FHIT: variants seen among roughly 807,000 people sequenced by gnomAD.
FHIT encodes fragile histidine triad diadenosine triphosphatase, also known as bis(5'-adenosyl)-triphosphatase.
In FHIT, 19 loss-of-function variants were observed where a neutral mutation model predicts 17.9. The ratio of observed to expected loss-of-function variants is 1.06; its 90% CI spans 0.74 to 1.56. FHIT has a LOEUF of 1.56. Among genes scored for constraint, FHIT ranks in the 40% most tolerant of loss-of-function variants. The probability of loss-of-function intolerance (pLI) is 0.00; values close to 1 mark genes in which losing one functional copy is unlikely to be tolerated. For missense variants in FHIT, 248 were observed against 189.2 expected, an observed-to-expected ratio of 1.31 and a Z score of -1.82; for synonymous variants, 81 against 69.7, an observed-to-expected ratio of 1.16 and a Z score of -0.81.
chr3:60,550,867 C>A (rs2036523071), intron 4 of FHIT, among the ~76,000 whole-genome samples: 1 of 152,086 alleles, frequency 6.6e-6, no homozygotes, highest in African/African-American at 2.4e-5. Flanking sequence ...ATATTGCAAG[C>A]AGTAGAGACT....
Position 60,584,136 on chromosome 3 carries a change from A to G in FHIT, c.-17-47157T>C, listed in dbSNP as rs1238780297. ...AGAAAGCTCTTAGCAGGGGTGTGCT[A>G]GAGCCATCTCCTATCAGCTCATAGA... On this transcript the variant is annotated intron_variant, in intron 4 of 9. Transcript: ENST00000492590. 3.3e-5 allele frequency among the ~76,000 whole-genome samples: 5 copies of G among 152,178 alleles called. No homozygotes were observed. The East Asian group carries it at 9.7e-4, about 30-fold the overall frequency.
At chr3:60,403,141 C>A (rs867668266) in intron 5 of FHIT, among the ~76,000 whole-genome samples, 1 of 152,030 alleles carries the variant, frequency 6.6e-6, no homozygotes, top group Non-Finnish European at 1.5e-5. Flanking sequence ...AGTAAAAGCC[C>A]GGGATAGACA....
intron 3 of FHIT, among the ~76,000 whole-genome samples, chr3:60,977,390 A>C (rs1431741455): frequency 6.6e-6 from 1 of 152,184 alleles, no homozygotes. Context: ...GAAATGTATC[A>C]TACTTCTGCT....
intron 3 of FHIT, among the ~76,000 whole-genome samples, chr3:60,929,616 C>T (rs1341744637): frequency 6.6e-5 from 10 of 152,106 alleles, no homozygotes; most frequent in Non-Finnish European, 1.5e-4. Flanking sequence ...TTCACAATTG[C>T]TTCAAAGAGA....
intron 5 of FHIT, among the ~76,000 whole-genome samples, chr3:60,231,138 T>C (rs947781955): frequency 6.6e-6 from 1 of 152,236 alleles, no homozygotes; most frequent in African/African-American, 2.4e-5. Flanking sequence ...TGAGCCATGC[T>C]CATATTTGTG....
intron 4 of FHIT, among the ~76,000 whole-genome samples, chr3:60,806,777 A>G (rs1351633446): frequency 6.6e-6 from 1 of 152,232 alleles, no homozygotes; most frequent in Admixed American, 6.5e-5. Context: ...GCAGAGTCAC[A>G]GTAAAAGTTT....
chr3:59,840,086 AGAGCT>A (rs1701475557), intron 8 of FHIT, among the ~76,000 whole-genome samples: 1 of 152,178 alleles, frequency 6.6e-6, no homozygotes, highest in Non-Finnish European at 1.5e-5. Context: ...AGAAGAGGGT[AGAGCT>A]GTCACTCTGT....
chr3:60,000,276 C>T (rs1388769541), intron 7 of FHIT, among the ~76,000 whole-genome samples: 6 of 152,238 alleles, frequency 3.9e-5, no homozygotes, highest in Admixed American at 1.3e-4. Flanking sequence ...AGACAACTGA[C>T]TTAGACTGGG....
intron 5 of FHIT, among the ~76,000 whole-genome samples, chr3:60,408,944 C>CA (rs1701970117): frequency 1.3e-5 from 2 of 151,970 alleles, no homozygotes; most frequent in South Asian, 4.2e-4. Flanking sequence ...CAGATGACAG[C>CA]AAAAAATTCT....
rs115900127 is a variant in FHIT at position 59,834,672 on chromosome 3, A to G, written c.349-82351T>C. Among the ~76,000 whole-genome samples, 859 of 152,264 alleles carry G rather than the reference A, an allele frequency of 5.6e-3. 8 individuals are homozygous for G. Among genetic ancestry groups the G allele is most frequent in the African/African-American group, 0.02 (837 of 41,562 alleles). ...ATCTTCTTATAAGGGCACTAATCCC[A>G]TTCCTGAGGGGCCCTATCCTCATGG... is the stretch of plus-strand genomic sequence containing the variant. On this transcript the variant is annotated intron_variant, in intron 8 of 9. Coordinates refer to ENST00000492590, the MANE Select transcript of FHIT (RefSeq NM_002012.4).
rs114302193 is a variant in FHIT, at chr3:59,916,196, G to A, written c.348+6150C>T. Among the ~76,000 whole-genome samples, 396 of 152,290 alleles carry A rather than the reference G, an allele frequency of 2.6e-3. 4 individuals are homozygous for A. The highest frequency in any genetic ancestry group is 9.1e-3 in the African/African-American group (380 of 41,570). On this transcript the variant is annotated intron_variant, in intron 8 of 9. Transcript: ENST00000492590. The stretch of plus-strand genomic sequence containing the variant: ...GGCAGAAAGTGGAAAGAGCTGACTT[G>A]CTGAGTTTTCCGGCCTTCATCTTTC...
At chr3:59,890,842 G>A (rs1313559703) in intron 8 of FHIT, among the ~76,000 whole-genome samples, 3 of 152,158 alleles carry the variant, frequency 2.0e-5, no homozygotes, top group Non-Finnish European at 4.4e-5. Flanking sequence ...TTGCTTAGCT[G>A]AGCATTTTTC....
intron 4 of FHIT, among the ~76,000 whole-genome samples, chr3:60,537,726 A>C (rs1382359972): frequency 6.6e-6 from 1 of 152,162 alleles, no homozygotes; most frequent in Non-Finnish European, 1.5e-5. Context: ...GACAAGCCAA[A>C]TCCATCTAGC....
At chr3:60,239,633 A>G (rs1212907766) in intron 5 of FHIT, among the ~76,000 whole-genome samples, 1 of 152,166 alleles carries the variant, frequency 6.6e-6, no homozygotes, top group Non-Finnish European at 1.5e-5. Flanking sequence ...AGTTCCTAGG[A>G]TCTCCACTGG....
At position 60,360,764 on chromosome 3, in the gene FHIT, C is replaced by T. The variant is rs181540865; in HGVS notation, c.103+176096G>A. Among the ~76,000 whole-genome samples, 1,242 of 152,268 alleles carry T rather than the reference C, an allele frequency of 8.2e-3. 18 individuals are homozygous for T. Among genetic ancestry groups the T allele is most frequent in the African/African-American group, 0.028 (1,179 of 41,544 alleles). ...CTCACAAGCTTCCCTTCTCAAACAG[C>T]CTGTCTTATCAATCGAGCCACCATG... On this transcript the variant is annotated intron_variant, in intron 5 of 9. Coordinates refer to ENST00000492590, the MANE Select transcript of FHIT (RefSeq NM_002012.4).
chr3:60,057,666 C>A (rs1432786970), intron 5 of FHIT, among the ~76,000 whole-genome samples: 1 of 151,778 alleles, frequency 6.6e-6, no homozygotes, highest in Non-Finnish European at 1.5e-5. Context: ...TGAGTTCCTT[C>A]CTCAGGAAAT....
intron 4 of FHIT, among the ~76,000 whole-genome samples, chr3:60,796,097 A>G (rs1342250252): frequency 6.6e-6 from 1 of 152,090 alleles, no homozygotes; most frequent in Non-Finnish European, 1.5e-5. Context: ...ATCACGTAAG[A>G]CTTATTCACT....
intron 5 of FHIT, among the ~76,000 whole-genome samples, chr3:60,105,727 G>A (rs572548977): frequency 5.2e-4 from 78 of 149,998 alleles, no homozygotes; most frequent in Non-Finnish European, 8.9e-4. Context: ...CCAAATTTCC[G>A]ACTCCAAATT....
rs188715114 is a variant in FHIT at position 61,038,281 on chromosome 3, T to C, written c.-111+3766A>G. On this transcript the variant is annotated intron_variant, in intron 3 of 9. Coordinates refer to ENST00000492590, the MANE Select transcript of FHIT (RefSeq NM_002012.4). The stretch of plus-strand genomic sequence containing the variant: ...AGCATTCTTGCCAAAAACATTTACG[T>C]TAAATCAAATTTAGAGACAGCATCC... Among the ~76,000 whole-genome samples the C allele has an allele frequency of 5.2e-4, 79 of 152,278 alleles. 1 individual carries two copies. In the East Asian group the frequency reaches 0.015, roughly 29 times the overall value.
Sources: allele counts gnomAD v4.1 joint callset (sites outside exome capture counted in the v4.1 genomes callset), GRCh38; gene constraint gnomAD v4.1.1; transcripts MANE v1.5; gene names NCBI Gene and HGNC (gene_info 2026-07-23, HGNC 2026-07-21).